Variants in TCP10L observed in about 807,000 individuals in gnomAD.
The protein encoded by TCP10L is t-complex 10 like.
A neutral mutation model predicts 19.2 loss-of-function variants in TCP10L; 11 were observed. The observed-to-expected ratio is 0.57, with a 90% CI of 0.36 to 0.95. The LOEUF (loss-of-function observed/expected upper bound fraction) is 0.95. Ranked by LOEUF, TCP10L falls within the 40% of genes least tolerant of loss-of-function variation. The probability of loss-of-function intolerance (pLI) is 0.01; values close to 1 mark genes in which losing one functional copy is unlikely to be tolerated. For missense variants in TCP10L, 247 were observed against 263.9 expected (o/e 0.94, Z 0.44); for synonymous variants, 96 against 97.2 (o/e 0.99, Z 0.07).
Position 32,584,184 on chromosome 21 carries a change from C to A in TCP10L, c.121G>T (p.Asp41Tyr), listed in dbSNP as rs149590095. The change falls in exon 2 of 5, where the codon GAC (aspartate) becomes TAC (tyrosine). Residue 41 changes from aspartate to tyrosine, a missense_variant. Transcript: ENST00000300258. ...TAVAAEVLTE[D>Y]CNTGEMPPLQ... ...ACTGGCATCTCCCCAGTGTTGCAGTCCTCCGTGAGAACCTCGGCTGCCACA... is the reference window on the plus strand; with the variant it reads ...ACTGGCATCTCCCCAGTGTTGCAGTACTCCGTGAGAACCTCGGCTGCCACA... 6.2e-7 allele frequency: 1 copy of A among 1,613,954 alleles called. No homozygotes were observed. Among genetic ancestry groups the A allele is most frequent in the Non-Finnish European group, 8.5e-7 (1 of 1,179,938 alleles).
In TCP10L at chr21:32,582,574, CTTCTTTCTTTCCT is replaced by C. The variant is rs1293183520; in HGVS notation, c.145-172_145-160del. ...CAGGACTACCACAGCCTTTTTCTTT[CTTCTTTCTTTCCT>C]TTCTTTCTTTCTTTTCTTTTCTTTT... is the stretch of plus-strand genomic sequence containing the variant. On this transcript the variant is annotated intron_variant, in intron 2 of 4. Transcript: ENST00000300258. This position sits in a 1 kb window ranked among gnomAD's most constrained non-coding sequence, Gnocchi z 4.2. 1.7e-5 allele frequency: 10 copies of C among 603,238 alleles called. No homozygotes were observed. Among genetic ancestry groups the C allele is most frequent in the Non-Finnish European group, 2.8e-5 (10 of 357,230 alleles). 37.4% of individuals were successfully genotyped at this position (603,238 alleles called of 1,614,324 possible).
At chr21:32,583,939 T>C (rs1419201269) in intron 2 of TCP10L, among the ~76,000 whole-genome samples, 2 of 152,204 alleles carry the variant, frequency 1.3e-5, no homozygotes, top group African/African-American at 4.8e-5. Context: ...GGAATGTTAA[T>C]ATTTTCTTTA....
At position 32,583,024 on chromosome 21, in the gene TCP10L, C is replaced by CTTTT. The variant is rs59972145; in HGVS notation, c.145-613_145-610dup. ...GCAAAAAGAGGCTGGCATTCTTTTCCTTTTTTTTTTTTTTTTTTTTTTTTT... is the reference window on the plus strand; with the variant it reads ...GCAAAAAGAGGCTGGCATTCTTTTCCTTTTTTTTTTTTTTTTTTTTTTTTTTTTT... On this transcript the variant is annotated intron_variant, in intron 2 of 4. Coordinates refer to ENST00000300258, the MANE Select transcript of TCP10L (RefSeq NM_144659.7). 3.0e-3 allele frequency among the ~76,000 whole-genome samples: 280 copies of CTTTT among 94,796 alleles called. 27 individuals are homozygous for CTTTT. The highest frequency in any genetic ancestry group is 6.8e-3 in the Middle Eastern group (1 of 148). The allele number at this position is 94,796 out of a possible 152,430, so 62.2% of individuals were successfully genotyped here.
chr21:32,576,823 G>T lies in TCP10L; in HGVS notation c.599C>A (p.Thr200Lys). The part of the protein sequence containing the change: ...LSRRRQDRRA[T>K]PTGRPTPCAE... ...ACAGGGAGTTGGCCTTCCAGTAGGTGTTGCTCTTCTGTCTTGACGTCTCCT... is the reference window on the plus strand; with the variant it reads ...ACAGGGAGTTGGCCTTCCAGTAGGTTTTGCTCTTCTGTCTTGACGTCTCCT... Residue 200 changes from threonine to lysine, a missense_variant, in exon 5 of 5, where the codon ACA (threonine) becomes AAA (lysine). Coordinates refer to ENST00000300258, the MANE Select transcript of TCP10L (RefSeq NM_144659.7). 6.2e-7 allele frequency: 1 copy of T among 1,614,074 alleles called. No homozygotes were observed. Among genetic ancestry groups the T allele is most frequent in the Non-Finnish European group, 8.5e-7 (1 of 1,180,018 alleles).
chr21:32,576,833 T>C lies in TCP10L; in HGVS notation c.589A>G (p.Arg197Gly). The C allele has an allele frequency of 1.2e-6, 2 of 1,614,218 alleles. No homozygotes were observed. Among genetic ancestry groups the C allele is most frequent in the South Asian group, 2.2e-5 (2 of 91,066 alleles). Residue 197 changes from arginine (R) to glycine (G), a missense_variant, in exon 5 of 5, where the codon AGA (arginine) becomes GGA (glycine). Physicochemically the swap from Arg to Gly is moderately radical, Grantham distance 125. Transcript: ENST00000300258. ...DKNLSRRRQD[R>G]RATPTGRPTP... ...GGCCTTCCAGTAGGTGTTGCTCTTC[T>C]GTCTTGACGTCTCCTGGAAAGATTT...
Position 32,583,588 on chromosome 21 carries a change from CAA to C in TCP10L, c.144+571_144+572del, listed in dbSNP as rs771224269. Among the ~76,000 whole-genome samples the C allele has an allele frequency of 8.2e-3, 677 of 82,846 alleles. 2 individuals carry two copies. Among genetic ancestry groups the C allele is most frequent in the South Asian group, 0.024 (61 of 2,502 alleles). 54.4% of individuals were successfully genotyped at this position (82,846 alleles called of 152,430 possible). A position where few individuals can be genotyped will look rare whatever the true frequency, so the allele number is the denominator to read the frequency against. ...TGGGCGACAGAGCGAGACTCCGTCT[CAA>C]AAAAAAAAAAAAAAAAAAAAAAAAA... On this transcript the variant is annotated intron_variant, in intron 2 of 4. Coordinates refer to ENST00000300258, the MANE Select transcript of TCP10L (RefSeq NM_144659.7).
In TCP10L at chr21:32,583,071, G is replaced by C. The variant is rs1347796136; in HGVS notation, c.145-656C>G. Among the ~76,000 whole-genome samples the C allele has an allele frequency of 4.0e-5, 4 of 100,242 alleles. No individual in the cohort carries two copies. The Admixed American group carries it at 6.0e-4, about 15-fold the overall frequency. The allele number at this position is 100,242 out of a possible 152,430, so 65.8% of individuals were successfully genotyped here. A position where few individuals can be genotyped will look rare whatever the true frequency, so the allele number is the denominator to read the frequency against. ...TTTTTTTGAGACAGTGTCTTTCTCT[G>C]TCACCCAGGCTGGAGTGCAGTGGCG... On this transcript the variant is annotated intron_variant, in intron 2 of 4. Transcript: ENST00000300258.
In TCP10L at chr21:32,582,382, C is replaced by G. The variant is rs1358682665; in HGVS notation, c.178G>C (p.Glu60Gln). 8 of 1,613,710 alleles carry G rather than the reference C, an allele frequency of 5.0e-6. No homozygotes were observed. The highest frequency in any genetic ancestry group is 2.2e-5 in the East Asian group (1 of 44,876). The change falls in exon 3 of 5, where the codon GAG becomes CAG. Residue 60 changes from glutamate to glutamine, a missense_variant. Glu to Gln is a conservative substitution (Grantham distance 29, BLOSUM62 2). Transcript: ENST00000300258. This position sits in a 1 kb window ranked among gnomAD's most constrained non-coding sequence, Gnocchi z 4.2. ...CACAGAGACTTCTGTCTCCCAAGCTCTTGGTGGAGTCTGATGATCTGCTGC... is the reference window on the plus strand; with the variant it reads ...CACAGAGACTTCTGTCTCCCAAGCTGTTGGTGGAGTCTGATGATCTGCTGC... ...LQQQIIRLHQELGRQKSLWAD... is the reference protein window; with the variant it reads ...LQQQIIRLHQQLGRQKSLWAD...
intron 3 of TCP10L, among the ~76,000 whole-genome samples, chr21:32,580,517 T>TGTGTGTGTG (rs1601124448): frequency 6.7e-6 from 1 of 148,730 alleles, no homozygotes; most frequent in East Asian, 2.0e-4. Flanking sequence ...TGTGTGTGTG[T>TGTGTGTGTG]TGTAATCACT....
chr21:32,580,245 A>G (rs994363141), intron 3 of TCP10L, among the ~76,000 whole-genome samples: 7 of 151,976 alleles, frequency 4.6e-5, no homozygotes, highest in Non-Finnish European at 1.0e-4. Flanking sequence ...AGCTGGGACT[A>G]TAGGCACCCG....
Position 32,585,472 on chromosome 21 carries a change from C to G in TCP10L, c.-53G>C, listed in dbSNP as rs917614049. ...GGATCAGATCATCTGGGCCATGTCC[C>G]CACAGTTGTCCCCAAGCCCTCCTGC... is the stretch of plus-strand genomic sequence containing the variant. On this transcript the variant is annotated 5_prime_UTR_variant, in exon 1 of 5. Transcript: ENST00000300258. 1 of 158,046 alleles carries G rather than the reference C, an allele frequency of 6.3e-6. No individual in the cohort carries two copies. Among genetic ancestry groups the G allele is most frequent in the Non-Finnish European group, 1.4e-5 (1 of 70,574 alleles). 9.8% of individuals were successfully genotyped at this position (158,046 alleles called of 1,614,324 possible).
chr21:32,576,156 AG>A lies in TCP10L; in HGVS notation c.*617del, dbSNP rs2038431151. On this transcript the variant is annotated 3_prime_UTR_variant, in exon 5 of 5. Transcript: ENST00000300258. ...GATGTTCTGCTCACGCGTATCCACGAGAAAGCCCCGCATTTCACGGGGAGCA... is the reference window on the plus strand; with the variant it reads ...GATGTTCTGCTCACGCGTATCCACGAAAAGCCCCGCATTTCACGGGGAGCA... The A allele has an allele frequency of 9.6e-7, 1 of 1,041,808 alleles. No individual in the cohort carries two copies. Among genetic ancestry groups the A allele is most frequent in the African/African-American group, 1.6e-5 (1 of 62,466 alleles). The allele number at this position is 1,041,808 out of a possible 1,614,324, so 64.5% of individuals were successfully genotyped here. A position where few individuals can be genotyped will look rare whatever the true frequency, so the allele number is the denominator to read the frequency against.
intron 1 of TCP10L, 21 bp from the exon 2 acceptor site, chr21:32,584,326 T>A (rs1340648085): frequency 5.0e-6 from 8 of 1,608,126 alleles, no homozygotes; most frequent in Non-Finnish European, 6.8e-6. Context: ...AGGGAAGGGC[T>A]ATGGGGACAC....
chr21:32,576,620 C>A lies in TCP10L; in HGVS notation c.*154G>T. The A allele has an allele frequency of 1.2e-6, 1 of 825,618 alleles. No homozygotes were observed. Among genetic ancestry groups the A allele is most frequent in the Non-Finnish European group, 1.9e-6 (1 of 537,846 alleles). 51.1% of individuals were successfully genotyped at this position (825,618 alleles called of 1,614,324 possible). A position where few individuals can be genotyped will look rare whatever the true frequency, so the allele number is the denominator to read the frequency against. ...TGTCTGAAGAACTTCAAGTTTTTAT[C>A]TATAGAAACATAATTAGTTTAATAA... On this transcript the variant is annotated 3_prime_UTR_variant, in exon 5 of 5. Coordinates refer to ENST00000300258, the MANE Select transcript of TCP10L (RefSeq NM_144659.7).
chr21:32,583,661 T>C (rs959811255), intron 2 of TCP10L, among the ~76,000 whole-genome samples: 1 of 151,380 alleles, frequency 6.6e-6, no homozygotes, highest in Non-Finnish European at 1.5e-5. Flanking sequence ...AGCCTTCCCC[T>C]GGGATCCTTC....
intron 1 of TCP10L, among the ~76,000 whole-genome samples, chr21:32,584,867 A>G (rs2038542545): frequency 1.3e-5 from 2 of 152,130 alleles, no homozygotes; most frequent in South Asian, 4.1e-4. Flanking sequence ...TCAGGGTGAC[A>G]TTTGTGAATT....
intron 3 of TCP10L, among the ~76,000 whole-genome samples, chr21:32,579,907 G>A (rs548422239): frequency 1.3e-5 from 2 of 152,138 alleles, no homozygotes; most frequent in African/African-American, 4.8e-5. Context: ...CAGAGGAACA[G>A]CCTGCCCAGC....
intron 4 of TCP10L, chr21:32,577,615 A>AG (rs1170217947): frequency 6.6e-6 from 1 of 152,250 alleles, no homozygotes; most frequent in Non-Finnish European, 1.5e-5. Context: ...CCTGAGTATG[A>AG]GGGTGACACA....
chr21:32,583,481 T>C (rs1442153752), intron 2 of TCP10L, among the ~76,000 whole-genome samples: 13 of 145,278 alleles, frequency 8.9e-5, no homozygotes, highest in Non-Finnish European at 1.6e-4. Context: ...CCCAGCTACG[T>C]GGGAGGCTGA....
Sources: gnomAD v4.1 joint callset for allele counts (sites outside exome capture counted in the v4.1 genomes callset) on GRCh38, gnomAD v4.1.1 for gene constraint, Gnocchi (gnomAD v3.1) non-coding constraint, MANE v1.5 for transcripts, NCBI Gene and HGNC (gene_info 2026-07-23, HGNC 2026-07-21) for gene names.